The following TNRC6C variants were observed in gnomAD, a reference collection of about 807,000 sequenced individuals.
The protein encoded by TNRC6C is trinucleotide repeat containing adaptor 6C.
A neutral mutation model predicts 153.7 loss-of-function variants in TNRC6C; 20 were observed. The ratio of observed to expected loss-of-function variants is 0.13; its 90% CI spans 0.09 to 0.19. The LOEUF is 0.19. TNRC6C is among the 10% of genes least tolerant of loss of function. The pLI is 1.00. For missense variants in TNRC6C, 1,987 were observed against 2,172.0 expected, an observed-to-expected ratio of 0.91 and a Z score of 1.69; for synonymous variants, 811 against 841.4, an observed-to-expected ratio of 0.96 and a Z score of 0.63.
At chr17:78,072,251 T>A (rs9899783) in intron 6 of TNRC6C, among the ~76,000 whole-genome samples, 3,240 of 152,318 alleles carry the variant, frequency 0.021, 115 homozygotes, top group African/African-American at 0.073. Flanking sequence ...CTGTCTCAGT[T>A]ATCATGGCAC....
At chr17:78,050,705 C>T in exon 3 of TNRC6C, 1 of 1,574,910 alleles carries the variant, frequency 6.3e-7, no homozygotes, top group Non-Finnish European at 8.6e-7. Context: ...GCTGTTAGTA[C>T]TGCTGCTGCT....
chr17:78,097,131 C>G (rs1018890073), intron 16 of TNRC6C, among the ~76,000 whole-genome samples: 2 of 152,308 alleles, frequency 1.3e-5, no homozygotes, highest in Non-Finnish European at 2.9e-5. Flanking sequence ...AAGAGGATCA[C>G]TGAGCCCAGG....
At position 78,079,667 on chromosome 17, in the gene TNRC6C, C is replaced by G; in HGVS notation, c.3357+126C>G. The G allele has an allele frequency of 2.4e-6, 3 of 1,261,058 alleles. No individual in the cohort carries two copies. The highest frequency in any genetic ancestry group is 3.2e-6 in the Non-Finnish European group (3 of 927,896). 78.1% of individuals were successfully genotyped at this position (1,261,058 alleles called of 1,614,324 possible). The stretch of plus-strand genomic sequence containing the variant: ...GAGTTAATCCATGTTTAAGAGAAGG[C>G]CTTCTGGTTTTTAACCTATAAATTA... On this transcript the variant is annotated intron_variant, in intron 10 of 19. Transcript: ENST00000301624. The surrounding 1 kb of genome is among the most constrained non-coding windows in gnomAD (Gnocchi z 4.3).
At chr17:78,077,964 C>T (rs1295493725) in intron 9 of TNRC6C, among the ~76,000 whole-genome samples, 1 of 152,166 alleles carries the variant, frequency 6.6e-6, no homozygotes, top group Non-Finnish European at 1.5e-5. Context: ...TCATCCTTTC[C>T]CATCCCTAGG....
exon 2 of TNRC6C, chr17:78,031,562 T>C: frequency 1.6e-6 from 2 of 1,232,272 alleles, no homozygotes; most frequent in Non-Finnish European, 2.0e-6. Context: ...AACCTGCCGG[T>C]ACCAGTACCA....
intron 2 of TNRC6C, among the ~76,000 whole-genome samples, chr17:78,036,711 G>A (rs2072186449): frequency 6.6e-6 from 1 of 152,070 alleles, no homozygotes; most frequent in Non-Finnish European, 1.5e-5. Context: ...ATCACCTGAG[G>A]TCAGGAGTTT....
intron 9 of TNRC6C, among the ~76,000 whole-genome samples, chr17:78,078,326 G>A (rs2073119861): frequency 6.6e-6 from 1 of 152,166 alleles, no homozygotes; most frequent in Admixed American, 6.5e-5. Flanking sequence ...GTGAAGCTGT[G>A]CAATACCTTA....
chr17:77,965,834 A>G (rs2070892781), intron 1 of TNRC6C, among the ~76,000 whole-genome samples: 1 of 152,150 alleles, frequency 6.6e-6, no homozygotes, highest in African/African-American at 2.4e-5. Context: ...TGCTCTGAGA[A>G]CTCCAGCAGT....
intron 1 of TNRC6C, among the ~76,000 whole-genome samples, chr17:78,013,972 A>C (rs2071682934): frequency 6.6e-6 from 1 of 152,212 alleles, no homozygotes; most frequent in Non-Finnish European, 1.5e-5. Context: ...AGTTTGAAAT[A>C]AGGCCAATTT....
chr17:77,994,946 C>T (rs988162931), intron 1 of TNRC6C, among the ~76,000 whole-genome samples: 16 of 152,162 alleles, frequency 1.1e-4, no homozygotes, highest in African/African-American at 3.6e-4. Flanking sequence ...ATTTAAAAGT[C>T]TCCAGTTTAT....
chr17:77,993,899 A>G (rs936591386), intron 1 of TNRC6C, among the ~76,000 whole-genome samples: 3 of 151,946 alleles, frequency 2.0e-5, no homozygotes, highest in African/African-American at 7.3e-5. Flanking sequence ...TTGTTTCATT[A>G]TAGAAACTAT....
chr17:78,049,749 T>G lies in TNRC6C; in HGVS notation c.687T>G (p.Asn229Lys), dbSNP rs1234215161. ...ACCTGCAAGGCCTTCCTGGTGCTAA[T>G]GGATCATCAGTTTCTCAAGTCAGTG... The change falls in exon 3 of 20, where the codon AAT becomes AAG. Residue 229 changes from asparagine (N) to lysine (K), a missense_variant. By Grantham distance (94) the Asn-to-Lys change is moderately conservative. Coordinates refer to ENST00000301624, the Ensembl canonical transcript of TNRC6C. The surrounding 1 kb of genome is among the most constrained non-coding windows in gnomAD (Gnocchi z 4.1). 4.4e-6 allele frequency: 7 copies of G among 1,590,546 alleles called. No homozygotes were observed. The Admixed American group carries it at 1.0e-4, about 23-fold the overall frequency.
At chr17:77,965,596 G>A (rs1170677624) in intron 1 of TNRC6C, among the ~76,000 whole-genome samples, 1 of 152,190 alleles carries the variant, frequency 6.6e-6, no homozygotes, top group African/African-American at 2.4e-5. Flanking sequence ...TCCCTGTGCA[G>A]CGGCCACAGG....
intron 1 of TNRC6C, among the ~76,000 whole-genome samples, chr17:77,963,241 T>C (rs141122341): frequency 1.3e-5 from 2 of 152,346 alleles, no homozygotes; most frequent in East Asian, 3.8e-4. Flanking sequence ...GTGCAGAAAG[T>C]GTATATCTGA....
intron 1 of TNRC6C, among the ~76,000 whole-genome samples, chr17:77,967,352 T>G (rs2070905554): frequency 6.6e-6 from 1 of 152,190 alleles, no homozygotes; most frequent in African/African-American, 2.4e-5. Context: ...TGAAGATATT[T>G]AGATAACAAT....
intron 1 of TNRC6C, among the ~76,000 whole-genome samples, chr17:77,995,381 C>G (rs2071312833): frequency 6.6e-6 from 1 of 152,210 alleles, no homozygotes; most frequent in Non-Finnish European, 1.5e-5. Flanking sequence ...CCTGCTATGT[C>G]TCTAGTGCCC....
intron 1 of TNRC6C, among the ~76,000 whole-genome samples, chr17:77,976,179 C>T (rs1305684915): frequency 6.6e-6 from 1 of 152,180 alleles, no homozygotes; most frequent in Admixed American, 6.5e-5. Context: ...TAGTCTGTTT[C>T]TCACTATCAC....
At chr17:78,058,055 CAGAAATT>C (rs1037575955) in intron 3 of TNRC6C, among the ~76,000 whole-genome samples, 2 of 152,138 alleles carry the variant, frequency 1.3e-5, no homozygotes, top group Non-Finnish European at 2.9e-5. Context: ...GCCTTTTTAT[CAGAAATT>C]GTAGGCTGCC....
intron 3 of TNRC6C, among the ~76,000 whole-genome samples, chr17:78,052,855 C>T (rs1283008430): frequency 2.0e-5 from 3 of 152,214 alleles, no homozygotes; most frequent in Non-Finnish European, 2.9e-5. Flanking sequence ...GTCACTAAAC[C>T]AGAGGTCAAA....
Sources: gnomAD v4.1 joint callset for allele counts (sites outside exome capture counted in the v4.1 genomes callset) on GRCh38, gnomAD v4.1.1 for gene constraint, Gnocchi (gnomAD v3.1) non-coding constraint, MANE v1.5 for transcripts, NCBI Gene and HGNC (gene_info 2026-07-23, HGNC 2026-07-21) for gene names.